Variants in PPM1H observed in about 807,000 individuals in gnomAD.
PPM1H encodes the protein protein phosphatase 1H.
Under a neutral mutation model 54.9 loss-of-function variants are expected in PPM1H, and 27 were observed. That is an observed-to-expected ratio of 0.49 (90% CI 0.36 to 0.68). The LOEUF (loss-of-function observed/expected upper bound fraction) is 0.68. Ranked by LOEUF, PPM1H falls within the 30% of genes least tolerant of loss-of-function variation. PPM1H has a pLI of 0.00. For synonymous variants in PPM1H, 305 were observed against 270.8 expected (o/e 1.13, Z -1.24); for missense variants, 596 against 667.8 (o/e 0.89, Z 1.19).
At chr12:62,883,337 C>G (rs1870462971) in intron 1 of PPM1H, among the ~76,000 whole-genome samples, 1 of 152,032 alleles carries the variant, frequency 6.6e-6, no homozygotes, top group Admixed American at 6.6e-5. Context: ...CCAGTACTGC[C>G]CCCACCCATT....
rs373837218 is a variant in PPM1H at position 62,844,921 on chromosome 12, A to G, written c.246-12642T>C. Among the ~76,000 whole-genome samples, 10 of 152,326 alleles carry G rather than the reference A, an allele frequency of 6.6e-5. No individual in the cohort carries two copies. In the East Asian group the frequency reaches 1.4e-3, roughly 21 times the overall value. ...AAAATTAATTATAAGCACTTCTACT[A>G]GGAAATGAGCTTGGGAGTAGGATAT... On this transcript the variant is annotated intron_variant, in intron 1 of 9. Coordinates refer to ENST00000228705, the MANE Select transcript of PPM1H (RefSeq NM_020700.2). The surrounding 1 kb of genome is among the most constrained non-coding windows in gnomAD (Gnocchi z 5.2).
chr12:62,934,835 A>C lies in PPM1H; in HGVS notation c.-99T>G. ...GCAGGCTGCGGTGGGCGCCGGGCGC[A>C]CGGCGAGTCGGGCCACTGGGACGCG... On this transcript the variant is annotated 5_prime_UTR_variant, in exon 1 of 10. Coordinates refer to ENST00000228705, the MANE Select transcript of PPM1H (RefSeq NM_020700.2). The surrounding 1 kb of genome is among the most constrained non-coding windows in gnomAD (Gnocchi z 4.2). The C allele has an allele frequency of 8.4e-7, 1 of 1,191,468 alleles. No homozygotes were observed. Among genetic ancestry groups the C allele is most frequent in the Non-Finnish European group, 1.1e-6 (1 of 944,716 alleles). 73.8% of individuals were successfully genotyped at this position (1,191,468 alleles called of 1,614,324 possible).
At chr12:62,731,476 A>G (rs188510429) in intron 5 of PPM1H, among the ~76,000 whole-genome samples, 1 of 152,188 alleles carries the variant, frequency 6.6e-6, no homozygotes, top group Non-Finnish European at 1.5e-5. Context: ...GTTCAGGCTT[A>G]AGGAATACTT....
chr12:62,702,493 T>C (rs1286778626), intron 6 of PPM1H, among the ~76,000 whole-genome samples: 1 of 150,558 alleles, frequency 6.6e-6, no homozygotes, highest in Non-Finnish European at 1.5e-5. Context: ...ATCATCAACA[T>C]AAATCACTTC....
chr12:62,820,813 G>A (rs1322628484), intron 2 of PPM1H, among the ~76,000 whole-genome samples: 1 of 152,162 alleles, frequency 6.6e-6, no homozygotes, highest in African/African-American at 2.4e-5. Context: ...AAGATGGGGA[G>A]GAACCAGAGC....
At chr12:62,905,662 G>T (rs1871283394) in intron 1 of PPM1H, among the ~76,000 whole-genome samples, 1 of 152,150 alleles carries the variant, frequency 6.6e-6, no homozygotes. Flanking sequence ...CTAGTCCTCG[G>T]TAAGACAGAG....
intron 2 of PPM1H, among the ~76,000 whole-genome samples, chr12:62,820,423 G>A (rs2076896322): frequency 6.6e-6 from 1 of 152,226 alleles, no homozygotes; most frequent in African/African-American, 2.4e-5. Context: ...TGAGATCTGA[G>A]AATGGACAGA....
intron 2 of PPM1H, among the ~76,000 whole-genome samples, chr12:62,812,817 T>C (rs761834724): frequency 9.3e-5 from 14 of 150,228 alleles, no homozygotes; most frequent in East Asian, 1.9e-4. Context: ...AAAAGACTCC[T>C]TGGGCCTTTC....
intron 1 of PPM1H, among the ~76,000 whole-genome samples, chr12:62,932,931 G>A (rs779143660): frequency 6.6e-6 from 1 of 151,434 alleles, no homozygotes; most frequent in Non-Finnish European, 1.5e-5. Flanking sequence ...CACCGCGCCC[G>A]GCCTAAATGG....
chr12:62,880,030 A>G (rs1477521863), intron 1 of PPM1H, among the ~76,000 whole-genome samples: 1 of 152,200 alleles, frequency 6.6e-6, no homozygotes, highest in Non-Finnish European at 1.5e-5. Flanking sequence ...TTTATTTTTC[A>G]AAACCTACAA....
At chr12:62,706,654 T>C (rs2076176169) in intron 6 of PPM1H, among the ~76,000 whole-genome samples, 2 of 152,334 alleles carry the variant, frequency 1.3e-5, no homozygotes, top group South Asian at 4.1e-4. Context: ...AGAGAGGTCA[T>C]ATATCTGGGA....
At chr12:62,842,086 C>T (rs529072660) in intron 1 of PPM1H, among the ~76,000 whole-genome samples, 2 of 152,288 alleles carry the variant, frequency 1.3e-5, no homozygotes, top group South Asian at 4.1e-4. Context: ...CCCAGTGCTG[C>T]TCTGTTGGAG....
At chr12:62,690,199 T>C (rs974524965) in intron 7 of PPM1H, among the ~76,000 whole-genome samples, 1 of 152,040 alleles carries the variant, frequency 6.6e-6, no homozygotes. Flanking sequence ...CATCCATCCA[T>C]CCACCCACCC....
chr12:62,825,668 G>A (rs1868282298), intron 2 of PPM1H, among the ~76,000 whole-genome samples: 1 of 152,100 alleles, frequency 6.6e-6, no homozygotes, highest in African/African-American at 2.4e-5. Flanking sequence ...TCACTCATAG[G>A]TGGGAGTTGA....
intron 1 of PPM1H, among the ~76,000 whole-genome samples, chr12:62,914,819 G>A (rs573252749): frequency 6.6e-5 from 10 of 152,218 alleles, no homozygotes; most frequent in South Asian, 4.1e-4. Context: ...GTGCCCACAC[G>A]GAGAAAGAAG....
intron 4 of PPM1H, among the ~76,000 whole-genome samples, chr12:62,768,162 G>A (rs971548492): frequency 6.6e-6 from 1 of 152,184 alleles, no homozygotes; most frequent in African/African-American, 2.4e-5. Context: ...ACTGAGTCAT[G>A]TAGCTATACC....
rs544277462 is a variant in PPM1H, at chr12:62,670,268, C to T, written c.1246-2939G>A. ...CTGGGATTACAGGCATGAGCCACCG[C>T]GCCTGGCCGATTCCTAGCTTCTTAT... On this transcript the variant is annotated intron_variant, in intron 8 of 9. Coordinates refer to ENST00000228705, the MANE Select transcript of PPM1H (RefSeq NM_020700.2). Among the ~76,000 whole-genome samples the T allele has an allele frequency of 7.9e-5, 12 of 152,148 alleles. No homozygotes were observed. In the East Asian group the frequency reaches 9.7e-4, roughly 12 times the overall value.
chr12:62,846,608 C>A (rs1289502725), intron 1 of PPM1H, among the ~76,000 whole-genome samples: 1 of 151,644 alleles, frequency 6.6e-6, no homozygotes, highest in Non-Finnish European at 1.5e-5. Context: ...CTCCTCGCAC[C>A]CCCTCATCCT....
chr12:62,845,127 A>G (rs1259523250), intron 1 of PPM1H, among the ~76,000 whole-genome samples: 1 of 152,232 alleles, frequency 6.6e-6, no homozygotes, highest in African/African-American at 2.4e-5. Context: ...TTACAACATC[A>G]AAAGACTACT....
Sources: gnomAD v4.1 joint callset for allele counts (sites outside exome capture counted in the v4.1 genomes callset) on GRCh38, gnomAD v4.1.1 for gene constraint, Gnocchi (gnomAD v3.1) non-coding constraint, MANE v1.5 for transcripts, NCBI Gene and HGNC (gene_info 2026-07-23, HGNC 2026-07-21) for gene names.